The following PCDHGA2 variants were observed in gnomAD, a reference collection of about 807,000 sequenced individuals.
The protein encoded by PCDHGA2 is protocadherin gamma subfamily A, 2.
A neutral mutation model predicts 59.2 loss-of-function variants in PCDHGA2; 40 were observed. That is an observed-to-expected ratio of 0.68 (90% confidence interval 0.52 to 0.88). The LOEUF is 0.88. Among genes scored for constraint, PCDHGA2 ranks in the 40% least tolerant of loss-of-function variants. PCDHGA2 has a pLI of 0.00. For synonymous variants in PCDHGA2, 560 were observed against 526.0 expected, an observed-to-expected ratio of 1.06 and a Z score of -0.89; for missense variants, 1,226 against 1,204.0, an observed-to-expected ratio of 1.02 and a Z score of -0.27.
At chr5:141,502,866 C>CTTTTTTTTTTTTTTTT (rs549047197) in intron 2 of PCDHGA2, among the ~76,000 whole-genome samples, 4 of 128,044 alleles carry the variant, frequency 3.1e-5, no homozygotes, top group African/African-American at 3.1e-5. Context: ...GACTCTCTGT[C>CTTTTTTTTTTTTTTTT]TTTTTTTTTT....
Position 141,432,093 on chromosome 5 carries a change from CCAACGA to C in PCDHGA2, c.2425-62709_2425-62704del. 1.2e-6 allele frequency: 2 copies of C among 1,614,170 alleles called. No individual in the cohort carries two copies. The highest frequency in any genetic ancestry group is 1.7e-6 in the Non-Finnish European group (2 of 1,180,046). On this transcript the variant is annotated intron_variant, in intron 1 of 3. Coordinates refer to ENST00000394576, the MANE Select transcript of PCDHGA2 (RefSeq NM_018915.4). The surrounding 1 kb of genome is among the most constrained non-coding windows in gnomAD (Gnocchi z 6.0). ...CATATCTCGCTGAACGTGGCAGACA[CCAACGA>C]CAACCCGCCGGTCTTCCCTCAGGCC...
At chr5:141,457,607 T>C (rs578113551) in intron 1 of PCDHGA2, among the ~76,000 whole-genome samples, 2 of 152,360 alleles carry the variant, frequency 1.3e-5, no homozygotes, top group African/African-American at 4.8e-5. Context: ...AAACTAATTA[T>C]GAATGAACTT....
intron 1 of PCDHGA2, chr5:141,361,554 A>G (rs199916536): frequency 2.8e-5 from 45 of 1,613,944 alleles, no homozygotes; most frequent in East Asian, 8.9e-5. Context: ...CTATCGCTCA[A>G]ATCAGTGCCT....
In PCDHGA2 at chr5:141,419,316, G is replaced by A. The variant is rs775328616; in HGVS notation, c.2425-75491G>A. 1.1e-5 allele frequency: 18 copies of A among 1,613,994 alleles called. No individual in the cohort carries two copies. In the South Asian group the frequency reaches 1.8e-4, roughly 16 times the overall value. On this transcript the variant is annotated intron_variant, in intron 1 of 3. Coordinates refer to ENST00000394576, the MANE Select transcript of PCDHGA2 (RefSeq NM_018915.4). ...GACCCAGACTTCGGGCTCAACGGCC[G>A]TGTCTCCTACTCTCTCATTGCCAGC...
intron 1 of PCDHGA2, chr5:141,344,216 G>C (rs199728541): frequency 6.2e-7 from 1 of 1,614,038 alleles, no homozygotes; most frequent in South Asian, 1.1e-5. Flanking sequence ...AGCTGGCGGA[G>C]CGCGGAGTCC....
chr5:141,364,567 G>A (rs1034975661), intron 1 of PCDHGA2: 6 of 1,614,130 alleles, frequency 3.7e-6, no homozygotes, highest in Non-Finnish European at 5.1e-6. Flanking sequence ...CCCTGAACCC[G>A]CGAAGCGGCA....
intron 1 of PCDHGA2, chr5:141,419,836 G>A (rs756561978): frequency 1.9e-6 from 3 of 1,613,958 alleles, no homozygotes. Context: ...CCACTGCCAC[G>A]CTGCACCTGG....
chr5:141,491,438 G>A lies in PCDHGA2; in HGVS notation c.2425-3369G>A, dbSNP rs376927300. The A allele has an allele frequency of 3.7e-6, 6 of 1,614,066 alleles. No homozygotes were observed. Among genetic ancestry groups the A allele is most frequent in the Admixed American group, 1.7e-5 (1 of 60,016 alleles). On this transcript the variant is annotated intron_variant, in intron 1 of 3. Coordinates refer to ENST00000394576, the MANE Select transcript of PCDHGA2 (RefSeq NM_018915.4). This position sits in a 1 kb window ranked among gnomAD's most constrained non-coding sequence, Gnocchi z 6.9. ...GGGGGTGGAGGGCAGTGCTGCAGGC[G>A]CCAGGACTCACCCTCCCCGGACTTC...
Position 141,489,560 on chromosome 5 carries a change from A to C in PCDHGA2, c.2425-5247A>C, listed in dbSNP as rs749076412. On this transcript the variant is annotated intron_variant, in intron 1 of 3. Coordinates refer to ENST00000394576, the MANE Select transcript of PCDHGA2 (RefSeq NM_018915.4). This position sits in a 1 kb window ranked among gnomAD's most constrained non-coding sequence, Gnocchi z 4.5. Reference sequence around the variant, plus strand: ...AGCACCAGCTGCCTGCTGCCAGTGCAGGTGGTGACTGAACACCCCCTGGAG... The same window carrying C: ...AGCACCAGCTGCCTGCTGCCAGTGCCGGTGGTGACTGAACACCCCCTGGAG... 2 of 1,614,142 alleles carry C rather than the reference A, an allele frequency of 1.2e-6. No individual in the cohort carries two copies. Among genetic ancestry groups the C allele is most frequent in the Admixed American group, 3.3e-5 (2 of 60,024 alleles).
At chr5:141,370,972 A>G in intron 1 of PCDHGA2, 1 of 1,614,000 alleles carries the variant, frequency 6.2e-7, no homozygotes, top group Non-Finnish European at 8.5e-7. Context: ...AGGTACCCAG[A>G]GCTAGTACTG....
chr5:141,432,725 G>A lies in PCDHGA2; in HGVS notation c.2425-62082G>A, dbSNP rs755759587. The A allele has an allele frequency of 7.4e-6, 12 of 1,613,896 alleles. No individual in the cohort carries two copies. Among genetic ancestry groups the A allele is most frequent in the African/African-American group, 1.3e-5 (1 of 74,932 alleles). On this transcript the variant is annotated intron_variant, in intron 1 of 3. Transcript: ENST00000394576. This position sits in a 1 kb window ranked among gnomAD's most constrained non-coding sequence, Gnocchi z 6.0. ...GGACCACGGCCAGCCCCCTCTCTCC[G>A]CCACTGTCACGCTCACCGTGGCCGT...
At chr5:141,390,370 A>G (rs1252386186) in intron 1 of PCDHGA2, 7 of 1,504,066 alleles carry the variant, frequency 4.7e-6, no homozygotes, top group African/African-American at 4.2e-5. Context: ...AGGAAAATAT[A>G]TAATTTTTAG....
intron 1 of PCDHGA2, chr5:141,409,285 T>G (rs773096828): frequency 6.2e-7 from 1 of 1,613,966 alleles, no homozygotes; most frequent in South Asian, 1.1e-5. Context: ...AGAATTCACC[T>G]CCAGGAATGG....
rs530007628 is a variant in PCDHGA2 at position 141,376,702 on chromosome 5, C to T, written c.2424+35307C>T. 1,559 of 561,286 alleles carry T rather than the reference C, an allele frequency of 2.8e-3. 9 individuals carry two copies. The highest frequency in any genetic ancestry group is 3.4e-3 in the Non-Finnish European group (1,255 of 368,136). The allele number at this position is 561,286 out of a possible 1,614,324, so 34.8% of individuals were successfully genotyped here. On this transcript the variant is annotated intron_variant, in intron 1 of 3. Transcript: ENST00000394576. Reference sequence around the variant, plus strand: ...TTTTTTTTTTTTTTTTTTTTTGAGACGGAGTCTCGCTCTGTCGCCCAGGCC... The same window carrying T: ...TTTTTTTTTTTTTTTTTTTTTGAGATGGAGTCTCGCTCTGTCGCCCAGGCC...
intron 1 of PCDHGA2, chr5:141,375,377 C>CT: frequency 1.2e-6 from 2 of 1,613,940 alleles, no homozygotes; most frequent in South Asian, 2.2e-5. Context: ...AACACCACCT[C>CT]TGTCTACAGA....
chr5:141,403,685 C>A, intron 1 of PCDHGA2: 1 of 1,613,822 alleles, frequency 6.2e-7, no homozygotes, highest in Non-Finnish European at 8.5e-7. Flanking sequence ...TTTTGCTCAA[C>A]GGATTTACCG....
At chr5:141,405,795 G>T (rs2094718009) in intron 1 of PCDHGA2, among the ~76,000 whole-genome samples, 1 of 149,108 alleles carries the variant, frequency 6.7e-6, no homozygotes, top group African/African-American at 2.4e-5. Context: ...TTCTATTATA[G>T]TTAGCTTTCT....
rs915044310 is a variant in PCDHGA2 at position 141,339,611 on chromosome 5, G to A, written c.640G>A (p.Ala214Thr). 3.1e-6 allele frequency: 5 copies of A among 1,614,076 alleles called. No homozygotes were observed. Among genetic ancestry groups the A allele is most frequent in the Admixed American group, 1.7e-5 (1 of 60,010 alleles). ...EEAVHHLVLV[A>T]SDGGDPVLSG... Reference sequence around the variant, plus strand: ...GGCTGTTCACCACCTCGTTCTCGTGGCTTCTGATGGGGGTGACCCAGTGCT... The same window carrying A: ...GGCTGTTCACCACCTCGTTCTCGTGACTTCTGATGGGGGTGACCCAGTGCT... Residue 214 changes from alanine (A) to threonine (T), a missense_variant, in exon 1 of 4, where the codon GCT becomes ACT. By Grantham distance (58) the Ala-to-Thr change is moderately conservative (BLOSUM62 0). Transcript: ENST00000394576.
chr5:141,359,844 A>C (rs1481453011), intron 1 of PCDHGA2, among the ~76,000 whole-genome samples: 1 of 152,184 alleles, frequency 6.6e-6, no homozygotes, highest in Non-Finnish European at 1.5e-5. Flanking sequence ...ACAAATGAAG[A>C]CTTTATAAAT....
Sources: allele counts gnomAD v4.1 joint callset (sites outside exome capture counted in the v4.1 genomes callset), GRCh38; gene constraint gnomAD v4.1.1; non-coding constraint Gnocchi (gnomAD v3.1); transcripts MANE v1.5; gene names NCBI Gene and HGNC (gene_info 2026-07-23, HGNC 2026-07-21).